Variants in PDE6A observed in about 807,000 individuals in gnomAD.
PDE6A encodes the protein phosphodiesterase 6A, also known as rod cGMP-specific 3',5'-cyclic phosphodiesterase subunit alpha.
In PDE6A, 84 loss-of-function variants were observed where a neutral mutation model predicts 106.3. The observed-to-expected ratio is 0.79, with a 90% confidence interval of 0.66 to 0.95. The LOEUF (loss-of-function observed/expected upper bound fraction) is 0.95, where lower values mean the gene tolerates loss of function less well. PDE6A is among the 40% of genes least tolerant of loss of function. The probability of loss-of-function intolerance (pLI) is 0.00; values close to 1 mark genes in which losing one functional copy is unlikely to be tolerated. For synonymous variants in PDE6A, 394 were observed against 386.6 expected (o/e 1.02, Z -0.23); for missense variants, 1,052 against 1,084.9 (o/e 0.97, Z 0.43).
intron 21 of PDE6A, among the ~76,000 whole-genome samples, chr5:149,862,110 G>T (rs2113491865): frequency 6.6e-6 from 1 of 152,278 alleles, no homozygotes; most frequent in East Asian, 1.9e-4. Flanking sequence ...GGTGAAGAGG[G>T]ATGGGTGTGC....
chr5:149,935,312 T>C (rs913685589), intron 1 of PDE6A, among the ~76,000 whole-genome samples: 27 of 152,258 alleles, frequency 1.8e-4, no homozygotes, highest in African/African-American at 5.5e-4. Context: ...TGCCTTCAGC[T>C]CTGCTGCCTC....
chr5:149,893,417 T>C (rs1024795428), intron 13 of PDE6A, among the ~76,000 whole-genome samples: 7 of 152,348 alleles, frequency 4.6e-5, no homozygotes, highest in African/African-American at 1.4e-4. Flanking sequence ...AAGACTTCTC[T>C]GCCATCATGA....
chr5:149,877,497 C>T (rs1252398628), intron 17 of PDE6A, among the ~76,000 whole-genome samples: 1 of 152,166 alleles, frequency 6.6e-6, no homozygotes, highest in Non-Finnish European at 1.5e-5. Flanking sequence ...GCAACCTCTG[C>T]CTCCCAGGTT....
In PDE6A at chr5:149,861,360, A is replaced by G. The variant is rs1760134083; in HGVS notation, c.2507-389T>C. Reference sequence around the variant, plus strand: ...CTTACCTTTTTACTCTTTTAGAAAGAAAAGCTGGGCCAGGCACAGGGCTCA... The same window carrying G: ...CTTACCTTTTTACTCTTTTAGAAAGGAAAGCTGGGCCAGGCACAGGGCTCA... On this transcript the variant is annotated intron_variant, in intron 21 of 21. Transcript: ENST00000255266. Among the ~76,000 whole-genome samples, 5 of 152,264 alleles carry G rather than the reference A, an allele frequency of 3.3e-5. No homozygotes were observed. The South Asian group carries it at 1.0e-3, about 31-fold the overall frequency.
intron 13 of PDE6A, among the ~76,000 whole-genome samples, chr5:149,887,763 G>C (rs1752368640): frequency 6.6e-6 from 1 of 152,006 alleles, no homozygotes; most frequent in Non-Finnish European, 1.5e-5. Flanking sequence ...ATCCCACCGA[G>C]ACAAAAGCAA....
intron 4 of PDE6A, among the ~76,000 whole-genome samples, chr5:149,925,566 G>A (rs749147943): frequency 3.3e-5 from 5 of 151,902 alleles, no homozygotes; most frequent in Admixed American, 1.3e-4. Context: ...AATTAGCTGA[G>A]CATGGTGGCC....
At chr5:149,864,478 A>C (rs1026774220) in intron 20 of PDE6A, among the ~76,000 whole-genome samples, 16 of 151,628 alleles carry the variant, frequency 1.1e-4, no homozygotes, top group African/African-American at 3.6e-4. Flanking sequence ...CTGACCTCAA[A>C]TGATCCACCT....
chr5:149,934,640 C>T lies in PDE6A; in HGVS notation c.553G>A (p.Gly185Arg). The T allele has an allele frequency of 1.9e-6, 3 of 1,614,112 alleles. No individual in the cohort carries two copies. Among genetic ancestry groups the T allele is most frequent in the East Asian group, 2.2e-5 (1 of 44,880 alleles). ...KNILASPIMN[G>R]KDVVAIIMAV... Reference sequence around the variant, plus strand: ...ATGATTATGGCCACCACATCCTTCCCATTCATTATGGGGGAAGCCAAGATG... The same window carrying T: ...ATGATTATGGCCACCACATCCTTCCTATTCATTATGGGGGAAGCCAAGATG... The change falls in exon 2 of 22, where the codon GGG (glycine) becomes AGG (arginine). Residue 185 changes from glycine (G) to arginine (R), a missense_variant. This residue lies in a region of PDE6A where 913 missense variants were observed against 915.2 expected (regional missense o/e 1.00). Coordinates refer to ENST00000255266, the MANE Select transcript of PDE6A (RefSeq NM_000440.3).
At chr5:149,928,555 T>TA (rs1561779264) in intron 4 of PDE6A, among the ~76,000 whole-genome samples, 1 of 152,132 alleles carries the variant, frequency 6.6e-6, no homozygotes, top group Non-Finnish European at 1.5e-5. Context: ...TATACTTTTA[T>TA]GCAACTGGCA....
At chr5:149,874,309 GACTTGGCA>G (rs1760661995) in intron 17 of PDE6A, among the ~76,000 whole-genome samples, 1 of 152,190 alleles carries the variant, frequency 6.6e-6, no homozygotes, top group African/African-American at 2.4e-5. Context: ...CCTTCTGTCT[GACTTGGCA>G]ACAAAGTTGA....
intron 17 of PDE6A, among the ~76,000 whole-genome samples, chr5:149,870,447 A>G (rs561342979): frequency 2.6e-5 from 4 of 152,336 alleles, no homozygotes; most frequent in South Asian, 2.1e-4. Flanking sequence ...AGCTATGCAT[A>G]TAAGAGTCAC....
At chr5:149,917,069 C>T (rs1407672634) in intron 5 of PDE6A, among the ~76,000 whole-genome samples, 40 of 146,144 alleles carry the variant, frequency 2.7e-4, no homozygotes, top group Admixed American at 2.3e-3. Context: ...TTTTTTGTGA[C>T]GGAGTCTTGC....
chr5:149,901,544 AAAAC>A (rs1032792878), intron 8 of PDE6A, among the ~76,000 whole-genome samples: 1 of 152,150 alleles, frequency 6.6e-6, no homozygotes, highest in Non-Finnish European at 1.5e-5. Flanking sequence ...AACAAAAACA[AAAAC>A]AAACAAACAA....
intron 1 of PDE6A, among the ~76,000 whole-genome samples, chr5:149,940,578 A>G (rs1395863510): frequency 3.4e-5 from 5 of 148,016 alleles, no homozygotes; most frequent in Non-Finnish European, 7.4e-5. Context: ...GCTCACTGCA[A>G]CCTCCACCTC....
At chr5:149,898,531 CAGAG>C in intron 9 of PDE6A, 25 bp from the exon 10 acceptor site, 2 of 1,500,696 alleles carry the variant, frequency 1.3e-6, no homozygotes, top group Non-Finnish European at 1.8e-6. Context: ...AAGGAGGAAT[CAGAG>C]ACAGAACACC....
intron 6 of PDE6A, among the ~76,000 whole-genome samples, chr5:149,912,976 A>C (rs937582407): frequency 6.6e-6 from 1 of 152,174 alleles, no homozygotes; most frequent in African/African-American, 2.4e-5. Flanking sequence ...ACAGATAATG[A>C]GTTAATAAGA....
In PDE6A at chr5:149,925,186, T is replaced by C. The variant is rs75037268; in HGVS notation, c.859-3477A>G. ...GTAACAGACAATTCACGGAAAAATC[T>C]AGAGGGGAAACAGATCATAGAAATA... On this transcript the variant is annotated intron_variant, in intron 4 of 21. Transcript: ENST00000255266. Among the ~76,000 whole-genome samples the C allele has an allele frequency of 9.0e-3, 1,370 of 152,188 alleles. 39 individuals carry two copies. The highest frequency in any genetic ancestry group is 0.046 in the Admixed American group (706 of 15,298).
chr5:149,862,784 T>G (rs1760189945), intron 21 of PDE6A, among the ~76,000 whole-genome samples: 1 of 152,010 alleles, frequency 6.6e-6, no homozygotes, highest in Non-Finnish European at 1.5e-5. Flanking sequence ...AAAATAAAAT[T>G]CCTTCCAACC....
At chr5:149,892,846 A>G (rs1752594057) in intron 13 of PDE6A, among the ~76,000 whole-genome samples, 3 of 152,236 alleles carry the variant, frequency 2.0e-5, no homozygotes, top group Non-Finnish European at 2.9e-5. Flanking sequence ...AAAACCATTT[A>G]CAAAGATATT....
Sources: allele counts gnomAD v4.1 joint callset (sites outside exome capture counted in the v4.1 genomes callset), GRCh38; gene constraint gnomAD v4.1.1; regional missense constraint gnomAD v4.1.1; transcripts MANE v1.5; gene names NCBI Gene and HGNC (gene_info 2026-07-23, HGNC 2026-07-21).